EXOSC10: variants seen among roughly 807,000 people sequenced by gnomAD.
EXOSC10 encodes the protein exosome component 10, also known as exosome complex component 10.
EXOSC10 carries 94 observed loss-of-function variants against 126.6 expected under a neutral mutation model. The ratio of observed to expected loss-of-function variants is 0.74; its 90% CI spans 0.63 to 0.88. The LOEUF (loss-of-function observed/expected upper bound fraction) is 0.88, where lower values mean the gene tolerates loss of function less well. Among genes scored for constraint, EXOSC10 ranks in the 40% least tolerant of loss-of-function variants. The pLI, the probability that EXOSC10 is intolerant of heterozygous loss-of-function variation, is 0.00. For missense variants in EXOSC10, 1,041 were observed against 1,100.5 expected (o/e 0.95, Z 0.77); for synonymous variants, 395 against 400.8 (o/e 0.99, Z 0.17).
rs977936486 is a variant in EXOSC10, at chr1:11,079,775, A to G, written c.1685T>C (p.Val562Ala). 1 of 1,613,916 alleles carries G rather than the reference A, an allele frequency of 6.2e-7. No individual in the cohort carries two copies. Among genetic ancestry groups the G allele is most frequent in the African/African-American group, 1.3e-5 (1 of 75,058 alleles). Residue 562 changes from valine to alanine, a missense_variant, in exon 14 of 25, where the codon GTG becomes GCG. Coordinates refer to ENST00000376936, the MANE Select transcript of EXOSC10 (RefSeq NM_001001998.3). ...IACCNPVPPL[V>A]RQQINEMHLL... ...GTGCATTTCGTTGATCTGCTGCCGC[A>G]CAAGGGGCGGTACTGGGTTGCAGCA...
chr1:11,094,569 G>A (rs1640967838), intron 3 of EXOSC10, among the ~76,000 whole-genome samples: 2 of 151,292 alleles, frequency 1.3e-5, no homozygotes, highest in Non-Finnish European at 2.9e-5. Context: ...CCAAAGTGCT[G>A]GGATTATAGG....
Position 11,077,447 on chromosome 1 carries a change from C to A in EXOSC10, c.1801-4G>T. 4 of 1,613,214 alleles carry A rather than the reference C, an allele frequency of 2.5e-6. No homozygotes were observed. Among genetic ancestry groups the A allele is most frequent in the Non-Finnish European group, 3.4e-6 (4 of 1,179,170 alleles). ...CAAAGAGAACATTCTCCAATCTCTG[C>A]ATTAAAAGACACCAGCAGGCTGGCA... On this transcript the variant is annotated splice_polypyrimidine_tract_variant and splice_region_variant and intron_variant, in intron 15 of 24. Coordinates refer to ENST00000376936, the MANE Select transcript of EXOSC10 (RefSeq NM_001001998.3).
chr1:11,099,778 G>T lies in EXOSC10; in HGVS notation c.54C>A (p.Thr18=), dbSNP rs1014203067. 11 of 1,612,194 alleles carry T rather than the reference G, an allele frequency of 6.8e-6. No homozygotes were observed. Among genetic ancestry groups the T allele is most frequent in the Non-Finnish European group, 9.3e-6 (11 of 1,179,184 alleles). ...GCAGCACCATCTCTCCGTCGGATTTGGTTGCGCTGGTCGCCGACAGGACCC... is the reference window on the plus strand; with the variant it reads ...GCAGCACCATCTCTCCGTCGGATTTTGTTGCGCTGGTCGCCGACAGGACCC... ...EPRVLSATSA[T]KSDGEMVLPG... The change falls in exon 1 of 25, where the codon ACC becomes ACA. Residue 18 remains threonine (T), a synonymous_variant. Transcript: ENST00000376936.
Position 11,069,259 on chromosome 1 carries a change from G to GAGAGAGAGAGAGAGAGAGAGAGA in EXOSC10, c.2488+299_2488+300insTCTCTCTCTCTCTCTCTCTCTCT, listed in dbSNP as rs1553164212. On this transcript the variant is annotated intron_variant, in intron 22 of 24. Transcript: ENST00000376936. ...TGTGTGTGTGTGAGAGAGAGAGAGA[G>GAGAGAGAGAGAGAGAGAGAGAGA]GGTTTATGGGCACAAGTTATAGTGA... Among the ~76,000 whole-genome samples, 6 of 132,382 alleles carry GAGAGAGAGAGAGAGAGAGAGAGA rather than the reference G, an allele frequency of 4.5e-5. 1 individual carries two copies. Among genetic ancestry groups the GAGAGAGAGAGAGAGAGAGAGAGA allele is most frequent in the Non-Finnish European group, 1.0e-4 (6 of 58,928 alleles). The allele number at this position is 132,382 out of a possible 152,430, so 86.8% of individuals were successfully genotyped here.
At chr1:11,077,263 T>A in intron 16 of EXOSC10, 102 bp downstream of exon 16, 1 of 1,220,814 alleles carries the variant, frequency 8.2e-7, no homozygotes, top group Non-Finnish European at 1.2e-6. Context: ...TATGCTGGCA[T>A]TACAGGCATA....
At chr1:11,090,462 A>G (rs1449009389) in intron 6 of EXOSC10, 92 bp downstream of exon 6, 2 of 999,194 alleles carry the variant, frequency 2.0e-6, no homozygotes, top group Admixed American at 2.1e-5. Context: ...ACTACTCCTC[A>G]GATTGTTTTC....
At chr1:11,073,538 A>T (rs1174751284) in intron 19 of EXOSC10, among the ~76,000 whole-genome samples, 1 of 152,198 alleles carries the variant, frequency 6.6e-6, no homozygotes, top group African/African-American at 2.4e-5. Flanking sequence ...CAGATGAGAT[A>T]GGCTTGTCTA....
Position 11,077,608 on chromosome 1 carries a change from C to T in EXOSC10, c.1793G>A (p.Ser598Asn). 6.2e-7 allele frequency: 1 copy of T among 1,613,958 alleles called. No individual in the cohort carries two copies. The change falls in exon 15 of 25, where the codon AGT (serine) becomes AAT (asparagine). Residue 598 changes from serine (S) to asparagine (N), a missense_variant. Ser to Asn is a conservative substitution (Grantham distance 46, BLOSUM62 1). Around this residue, in one of 3 missense-constraint regions of EXOSC10, gnomAD observed 388 missense variants for 415.2 expected, o/e 0.93. Coordinates refer to ENST00000376936, the MANE Select transcript of EXOSC10 (RefSeq NM_001001998.3). ...AGVKKSGPLP[S>N]AERLENVLFG... ...ACAGATCCGACACTCTACCTCAGCACTGGGCAGCGGTCCGCTCTTCTTCAC... is the reference window on the plus strand; with the variant it reads ...ACAGATCCGACACTCTACCTCAGCATTGGGCAGCGGTCCGCTCTTCTTCAC...
rs1640779222 is a variant in EXOSC10, at chr1:11,091,079, T to C, written c.578A>G (p.Asn193Ser). The C allele has an allele frequency of 2.5e-6, 4 of 1,614,214 alleles. No individual in the cohort carries two copies. Among genetic ancestry groups the C allele is most frequent in the Non-Finnish European group, 8.5e-7 (1 of 1,180,036 alleles). ...PQLKFREKID[N>S]SNTPFLPKIF... ...TTTAGGAAGAAATGGTGTGTTGGAA[T>C]TGTCAATCTTCTCTCGAAACTTGAG... The change falls in exon 5 of 25, where the codon AAT (asparagine) becomes AGT (serine). Residue 193 changes from asparagine (N) to serine (S), a missense_variant. Physicochemically the swap from Asn to Ser is conservative, Grantham distance 46 (BLOSUM62 1). Transcript: ENST00000376936.
In EXOSC10 at chr1:11,087,889, T is replaced by A; in HGVS notation, c.856A>T (p.Thr286Ser). ...AGGGAGGATATGAAATGGCATGGTGTCTCTTCTATAGGTCTGTATAACTGG... is the reference window on the plus strand; with the variant it reads ...AGGGAGGATATGAAATGGCATGGTGACTCTTCTATAGGTCTGTATAACTGG... ...QPQLYRPIEE[T>S]PCHFISSLDE... Residue 286 changes from threonine (T) to serine (S), a missense_variant, in exon 8 of 25, where the codon ACA (threonine) becomes TCA (serine). Physicochemically the swap from Thr to Ser is moderately conservative, Grantham distance 58. Around this residue, in one of 3 missense-constraint regions of EXOSC10, gnomAD observed 645 missense variants for 656.3 expected, o/e 0.98. Coordinates refer to ENST00000376936, the MANE Select transcript of EXOSC10 (RefSeq NM_001001998.3). 1 of 1,610,408 alleles carries A rather than the reference T, an allele frequency of 6.2e-7. No homozygotes were observed. Among genetic ancestry groups the A allele is most frequent in the South Asian group, 1.1e-5 (1 of 90,886 alleles).
chr1:11,078,649 C>T (rs558697261), intron 14 of EXOSC10, among the ~76,000 whole-genome samples: 2 of 152,356 alleles, frequency 1.3e-5, no homozygotes, highest in East Asian at 1.9e-4. Context: ...TCAATCTTTT[C>T]TTCTGATGCT....
chr1:11,079,062 G>T (rs552405311), intron 14 of EXOSC10, among the ~76,000 whole-genome samples: 1 of 152,224 alleles, frequency 6.6e-6, no homozygotes, highest in African/African-American at 2.4e-5. Context: ...TGGGCATGAT[G>T]GCTCACGCCT....
chr1:11,078,605 G>A (rs531395302), intron 14 of EXOSC10, among the ~76,000 whole-genome samples: 6 of 152,104 alleles, frequency 3.9e-5, no homozygotes, highest in African/African-American at 1.4e-4. Flanking sequence ...AAAGAAAACT[G>A]GCTGCCATTG....
intron 23 of EXOSC10, 50 bp from the exon 24 acceptor site, chr1:11,068,134 A>T (rs1234380096): frequency 6.7e-7 from 1 of 1,503,348 alleles, no homozygotes; most frequent in East Asian, 2.3e-5. Flanking sequence ...TGACCACAAG[A>T]TACACAGAAA....
rs1441082733 is a variant in EXOSC10 at position 11,082,673 on chromosome 1, T to C, written c.1280+15A>G. 6.2e-7 allele frequency: 1 copy of C among 1,613,464 alleles called. No homozygotes were observed. The highest frequency in any genetic ancestry group is 2.2e-5 in the East Asian group (1 of 44,864). On this transcript the variant is annotated intron_variant, in intron 10 of 24. Transcript: ENST00000376936. ...TCTTCTGCCACCCACATTTCCTCAG[T>C]AAGAGCAAACTGACCGTATTCTCCA... is the stretch of plus-strand genomic sequence containing the variant.
chr1:11,080,396 CTGAG>C, intron 13 of EXOSC10, 99 bp downstream of exon 13: 1 of 1,402,426 alleles, frequency 7.1e-7, no homozygotes, highest in Non-Finnish European at 1.0e-6. Context: ...GCATTAATCT[CTGAG>C]TAAGCAGCCT....
chr1:11,080,107 A>G (rs891178703), intron 13 of EXOSC10, among the ~76,000 whole-genome samples: 1 of 152,244 alleles, frequency 6.6e-6, no homozygotes, highest in Non-Finnish European at 1.5e-5. Flanking sequence ...GCAGGGGGCA[A>G]CCAACGGGCT....
intron 20 of EXOSC10, chr1:11,071,599 T>C: frequency 9.5e-6 from 1 of 105,176 alleles, no homozygotes; most frequent in South Asian, 2.6e-4. Flanking sequence ...CACATGTCAG[T>C]CACTTCCCCC....
chr1:11,091,637 T>C, intron 3 of EXOSC10, 40 bp from the exon 4 acceptor site: 1 of 1,512,462 alleles, frequency 6.6e-7, no homozygotes, highest in East Asian at 2.3e-5. Flanking sequence ...TTTTTCCTTT[T>C]GAGGTTAGCA....
Sources: allele counts gnomAD v4.1 joint callset (sites outside exome capture counted in the v4.1 genomes callset), GRCh38; gene constraint gnomAD v4.1.1; regional missense constraint gnomAD v4.1.1; transcripts MANE v1.5; gene names NCBI Gene and HGNC (gene_info 2026-07-23, HGNC 2026-07-21).